LAMB1: variants seen among roughly 807,000 people sequenced by gnomAD.
LAMB1 encodes the protein laminin subunit beta-1.
In LAMB1, 121 loss-of-function variants were observed where a neutral mutation model predicts 222.3. The observed-to-expected ratio is 0.54, with a 90% confidence interval of 0.47 to 0.63. The LOEUF (loss-of-function observed/expected upper bound fraction) is 0.63, where lower values mean the gene tolerates loss of function less well. Ranked by LOEUF, LAMB1 falls within the 30% of genes least tolerant of loss-of-function variation. LAMB1 has a pLI of 0.00. For missense variants in LAMB1, 2,172 were observed against 2,240.8 expected (o/e 0.97, Z 0.62); for synonymous variants, 794 against 807.2 (o/e 0.98, Z 0.28).
Position 107,994,290 on chromosome 7 carries a change from A to G in LAMB1, c.423+597T>C, listed in dbSNP as rs139420455. 3.5e-3 allele frequency among the ~76,000 whole-genome samples: 531 copies of G among 152,354 alleles called. 2 individuals are homozygous for G. The highest frequency in any genetic ancestry group is 0.012 in the African/African-American group (503 of 41,580). ...ACATCTCTCAAAGAAAAATGATGAG[A>G]AAATCCACATTTAAGAAGGCATTAC... On this transcript the variant is annotated intron_variant, in intron 5 of 33. Coordinates refer to ENST00000222399, the MANE Select transcript of LAMB1 (RefSeq NM_002291.3).
chr7:107,991,348 G>C (rs2034177903), intron 5 of LAMB1, among the ~76,000 whole-genome samples: 1 of 152,146 alleles, frequency 6.6e-6, no homozygotes, highest in Non-Finnish European at 1.5e-5. Context: ...TGCACTTTGG[G>C]AGGCAGAGGC....
intron 5 of LAMB1, among the ~76,000 whole-genome samples, chr7:107,991,467 A>G (rs1314488922): frequency 1.3e-5 from 2 of 152,002 alleles, no homozygotes; most frequent in African/African-American, 2.4e-5. Flanking sequence ...CATGCGTGTA[A>G]TCCCAGCTAC....
At chr7:107,934,072 T>G (rs1334096833) in intron 27 of LAMB1, among the ~76,000 whole-genome samples, 2 of 152,304 alleles carry the variant, frequency 1.3e-5, no homozygotes, top group Admixed American at 6.5e-5. Context: ...GCTTCATAAC[T>G]TTGTCTCCTG....
Position 107,965,782 on chromosome 7 carries a change from C to T in LAMB1, c.1563-1095G>A, listed in dbSNP as rs142838866. ...TAAGGCAAGTTGCAACTCACAGGAACACTTTGCACTCACAGGCTTATTAAA... is the reference window on the plus strand; with the variant it reads ...TAAGGCAAGTTGCAACTCACAGGAATACTTTGCACTCACAGGCTTATTAAA... On this transcript the variant is annotated intron_variant, in intron 13 of 33. Transcript: ENST00000222399. 1.9e-3 allele frequency among the ~76,000 whole-genome samples: 289 copies of T among 152,204 alleles called. 2 individuals are homozygous for T. The highest frequency in any genetic ancestry group is 6.7e-3 in the African/African-American group (277 of 41,524).
intron 3 of LAMB1, among the ~76,000 whole-genome samples, chr7:108,000,820 G>A (rs2034368719): frequency 6.6e-6 from 1 of 152,208 alleles, no homozygotes; most frequent in Non-Finnish European, 1.5e-5. Context: ...GGGATTACAG[G>A]CATGGAGCCA....
At chr7:107,930,438 C>A (rs1209410186) in intron 29 of LAMB1, among the ~76,000 whole-genome samples, 2 of 152,166 alleles carry the variant, frequency 1.3e-5, no homozygotes, top group Non-Finnish European at 2.9e-5. Context: ...TCCTTATTAG[C>A]CATGCCTTTT....
chr7:107,955,327 G>C (rs1584503689), intron 21 of LAMB1, 140 bp downstream of exon 21: 1 of 710,748 alleles, frequency 1.4e-6, no homozygotes, highest in Non-Finnish European at 2.1e-6. Flanking sequence ...TAGGAAAAGA[G>C]CATCTTTTCT....
chr7:107,953,670 T>C lies in LAMB1; in HGVS notation c.2939A>G (p.Asn980Ser). The C allele has an allele frequency of 6.2e-7, 1 of 1,614,174 alleles. No homozygotes were observed. Among genetic ancestry groups the C allele is most frequent in the Non-Finnish European group, 8.5e-7 (1 of 1,180,010 alleles). Residue 980 changes from asparagine to serine, a missense_variant, in exon 22 of 34, where the codon AAC (asparagine) becomes AGC (serine). By Grantham distance (46) the Asn-to-Ser change is conservative. Coordinates refer to ENST00000222399, the MANE Select transcript of LAMB1 (RefSeq NM_002291.3). ...TTCTGGGTCTGTCGTGTCAATGTTG[T>C]TGTGACACTGGCAAGGCTGACACGA... ...GGSCQPCQCH[N>S]NIDTTDPEAC...
intron 13 of LAMB1, among the ~76,000 whole-genome samples, chr7:107,965,840 G>A (rs575382441): frequency 1.2e-4 from 19 of 152,086 alleles, no homozygotes; most frequent in Admixed American, 2.6e-4. Context: ...AGTGGCTCAC[G>A]TCTATAATCC....
intron 27 of LAMB1, among the ~76,000 whole-genome samples, chr7:107,934,920 A>AGGGGG (rs1285622534): frequency 1.7e-4 from 1 of 6,044 alleles, no homozygotes; most frequent in Non-Finnish European, 3.0e-4. Flanking sequence ...AAAAAAAAAA[A>AGGGGG]GCGGGGGTGG....
intron 24 of LAMB1, among the ~76,000 whole-genome samples, chr7:107,950,874 T>C (rs185445688): frequency 6.5e-4 from 99 of 152,090 alleles, no homozygotes; most frequent in East Asian, 2.7e-3. Flanking sequence ...GTTCACATGG[T>C]CCCACCTTGG....
intron 23 of LAMB1, 29 bp from the exon 24 acceptor site, chr7:107,951,351 GCAGGCTTCAGGCCAGAAGC>G (rs775600968): frequency 1.2e-6 from 2 of 1,602,200 alleles, no homozygotes; most frequent in South Asian, 2.2e-5. Flanking sequence ...CCTTGGTCAA[GCAGGCTTCAGGCCAGAAGC>G]CAGTTGTCAT....
In LAMB1 at chr7:107,961,125, C is replaced by T. The variant is rs972553573; in HGVS notation, c.2109+81G>A. ...TGCTTACGCTGGCCTCAGCATTACCCCTCAACAAAACACCCTGAGAGCAGC... is the reference window on the plus strand; with the variant it reads ...TGCTTACGCTGGCCTCAGCATTACCTCTCAACAAAACACCCTGAGAGCAGC... On this transcript the variant is annotated intron_variant, in intron 17 of 33. Coordinates refer to ENST00000222399, the MANE Select transcript of LAMB1 (RefSeq NM_002291.3). 4 of 1,551,462 alleles carry T rather than the reference C, an allele frequency of 2.6e-6. No individual in the cohort carries two copies. The African/African-American group carries it at 4.1e-5, about 16-fold the overall frequency.
In LAMB1 at chr7:107,931,353, T is replaced by C. The variant is rs1370348872; in HGVS notation, c.4537+3A>G. ...CTAAAAGTAAAATGAAAAAATTTCT[T>C]ACGGGTCAAAAAGTTTCTGATTTGC... On this transcript the variant is annotated splice_donor_region_variant and intron_variant, in intron 29 of 33. Transcript: ENST00000222399. 1.2e-6 allele frequency: 2 copies of C among 1,610,034 alleles called. No homozygotes were observed. The highest frequency in any genetic ancestry group is 1.7e-5 in the Admixed American group (1 of 58,984).
chr7:107,974,079 G>A (rs764755757), intron 12 of LAMB1, among the ~76,000 whole-genome samples: 4 of 151,920 alleles, frequency 2.6e-5, no homozygotes, highest in Non-Finnish European at 5.9e-5. Flanking sequence ...ACCTGACCAG[G>A]CTCATCAATT....
At position 107,986,218 on chromosome 7, in the gene LAMB1, C is replaced by G; in HGVS notation, c.569G>C (p.Cys190Ser). 1 of 1,614,184 alleles carries G rather than the reference C, an allele frequency of 6.2e-7. No homozygotes were observed. Among genetic ancestry groups the G allele is most frequent in the East Asian group, 2.2e-5 (1 of 44,890 alleles). The stretch of plus-strand genomic sequence containing the variant: ...TTCAATGTCAGAATATCGAGAATCA[C>G]AAATTATGTCATCGACTTTTTTCAT... The part of the protein sequence containing the change: ...GPMKKVDDII[C>S]DSRYSDIEPS... The change falls in exon 6 of 34, where the codon TGT (cysteine) becomes TCT (serine). Residue 190 changes from cysteine (C) to serine (S), a missense_variant. By Grantham distance (112) the Cys-to-Ser change is moderately radical. Transcript: ENST00000222399.
chr7:107,944,447 A>G (rs2033067260), intron 24 of LAMB1, among the ~76,000 whole-genome samples: 1 of 152,166 alleles, frequency 6.6e-6, no homozygotes, highest in Non-Finnish European at 1.5e-5. Flanking sequence ...ACTGACCAAC[A>G]TTCCTTTCTC....
chr7:107,933,104 C>T (rs1208056714), intron 27 of LAMB1, among the ~76,000 whole-genome samples: 1 of 152,198 alleles, frequency 6.6e-6, no homozygotes, highest in Non-Finnish European at 1.5e-5. Flanking sequence ...TGCATAGAGT[C>T]CTCCTTTCTT....
At chr7:108,002,779 A>C (rs2034415789) in intron 2 of LAMB1, 70 bp downstream of exon 2, 2 of 1,605,692 alleles carry the variant, frequency 1.2e-6, no homozygotes, top group South Asian at 1.1e-5. Context: ...AAGGTGAGCA[A>C]GCAGCTTTTG....
Sources: gnomAD v4.1 joint callset for allele counts (sites outside exome capture counted in the v4.1 genomes callset) on GRCh38, gnomAD v4.1.1 for gene constraint, MANE v1.5 for transcripts, NCBI Gene and HGNC (gene_info 2026-07-23, HGNC 2026-07-21) for gene names.